NUP58: variants seen among roughly 807,000 people sequenced by gnomAD.
NUP58 encodes the protein nucleoporin 58.
A neutral mutation model predicts 70.1 loss-of-function variants in NUP58; 17 were observed. The observed-to-expected ratio is 0.24, with a 90% CI of 0.17 to 0.36. NUP58 has a LOEUF of 0.36. NUP58 is among the 10% of genes least tolerant of loss of function. NUP58 has a pLI of 1.00. For missense variants in NUP58, 644 were observed against 701.5 expected, an observed-to-expected ratio of 0.92 and a Z score of 0.93; for synonymous variants, 275 against 257.6, an observed-to-expected ratio of 1.07 and a Z score of -0.65.
rs1479403945 is a variant in NUP58, at chr13:25,321,054, C to T, written c.912C>T (p.Asn304=). 1 of 1,591,950 alleles carries T rather than the reference C, an allele frequency of 6.3e-7. No homozygotes were observed. Among genetic ancestry groups the T allele is most frequent in the Non-Finnish European group, 8.5e-7 (1 of 1,172,922 alleles). The part of the protein sequence containing the change: ...LSLAANGIQR[N]TLNIDKLKIE... ...TGGCTGCCAATGGAATACAGAGAAA[C>T]ACTCTCAACATTGACAAATTGAAAA... The change falls in exon 9 of 16, where the codon AAC becomes AAT. Residue 304 remains asparagine (N), a synonymous_variant. Transcript: ENST00000381736.
At chr13:25,333,213 G>T in intron 13 of NUP58, 1 of 985,222 alleles carries the variant, frequency 1.0e-6, no homozygotes, top group Non-Finnish European at 1.2e-6. Flanking sequence ...TGAGCTTGTG[G>T]ACATATGGAG....
Position 25,336,923 on chromosome 13 carries a change from T to C in NUP58, c.1436-13T>C. The C allele has an allele frequency of 6.5e-7, 1 of 1,538,850 alleles. No homozygotes were observed. Among genetic ancestry groups the C allele is most frequent in the Non-Finnish European group, 8.7e-7 (1 of 1,147,838 alleles). Reference sequence around the variant, plus strand: ...TTTTTTTCCCCCCCATTTTTTTTTTTTTTTTATACCAGGGCCACAGCCATC... The same window carrying C: ...TTTTTTTCCCCCCCATTTTTTTTTTCTTTTTATACCAGGGCCACAGCCATC... On this transcript the variant is annotated splice_polypyrimidine_tract_variant and intron_variant, in intron 13 of 15. Transcript: ENST00000381736.
rs112496539 is a variant in NUP58, at chr13:25,310,009, A to G, written c.286+727A>G. 2,569 of 408,722 alleles carry G rather than the reference A, an allele frequency of 6.3e-3. 52 individuals carry two copies. The highest frequency in any genetic ancestry group is 0.049 in the African/African-American group (2,310 of 47,142). The allele number at this position is 408,722 out of a possible 1,614,324, so 25.3% of individuals were successfully genotyped here. A position where few individuals can be genotyped will look rare whatever the true frequency, so the allele number is the denominator to read the frequency against. On this transcript the variant is annotated intron_variant, in intron 3 of 15. Transcript: ENST00000381736. The stretch of plus-strand genomic sequence containing the variant: ...AAAGTTTTGGACTGGATCAGCTGCA[A>G]ACACAAGCAAGTGAATCTTCTTGTT...
intron 6 of NUP58, among the ~76,000 whole-genome samples, chr13:25,317,465 C>A (rs1337146024): frequency 6.6e-6 from 1 of 152,058 alleles, no homozygotes; most frequent in Non-Finnish European, 1.5e-5. Context: ...ATTACTGAGG[C>A]AAAGCTAGGT....
intron 1 of NUP58, 111 bp from the exon 2 acceptor site, chr13:25,307,695 A>C (rs1458841116): frequency 1.6e-5 from 16 of 1,021,190 alleles, no homozygotes; most frequent in Non-Finnish European, 2.3e-5. Context: ...ATGTTATGTG[A>C]ATGAAATTAT....
At chr13:25,318,063 CT>C (rs1162725636) in intron 6 of NUP58, among the ~76,000 whole-genome samples, 1 of 151,958 alleles carries the variant, frequency 6.6e-6, no homozygotes, top group Non-Finnish European at 1.5e-5. Flanking sequence ...GGCGCAGTGG[CT>C]CACGCCTGTA....
In NUP58 at chr13:25,313,598, A is replaced by G. The variant is rs367710870; in HGVS notation, c.437-16A>G. 24 of 1,474,878 alleles carry G rather than the reference A, an allele frequency of 1.6e-5. No individual in the cohort carries two copies. In the East Asian group the frequency reaches 4.1e-4, roughly 25 times the overall value. The allele number at this position is 1,474,878 out of a possible 1,614,324, so 91.4% of individuals were successfully genotyped here. ...ATAAGTTGCCTTTTGAAAGCTTACTATCTCTCTTTTTATAGCATCCACAGG... is the reference window on the plus strand; with the variant it reads ...ATAAGTTGCCTTTTGAAAGCTTACTGTCTCTCTTTTTATAGCATCCACAGG... On this transcript the variant is annotated splice_polypyrimidine_tract_variant and intron_variant, in intron 4 of 15. Coordinates refer to ENST00000381736, the MANE Select transcript of NUP58 (RefSeq NM_014089.4).
rs576510234 is a variant in NUP58 at position 25,301,822 on chromosome 13, G to A, written c.49G>A (p.Val17Met). 24 of 1,613,534 alleles carry A rather than the reference G, an allele frequency of 1.5e-5. No homozygotes were observed. The East Asian group carries it at 5.1e-4, about 34-fold the overall frequency. Residue 17 changes from valine to methionine, a missense_variant, in exon 1 of 16, where the codon GTG becomes ATG. Coordinates refer to ENST00000381736, the MANE Select transcript of NUP58 (RefSeq NM_014089.4). ...GTCCGGGACTCTGGGCTCCACCACCGTGGCCGCCGGCGGGACCAGCACAGG... is the reference window on the plus strand; with the variant it reads ...GTCCGGGACTCTGGGCTCCACCACCATGGCCGCCGGCGGGACCAGCACAGG... ...FGSGTLGSTT[V>M]AAGGTSTGGV...
Position 25,340,180 on chromosome 13 carries a change from C to A in NUP58, c.*46C>A. The A allele has an allele frequency of 6.9e-7, 1 of 1,439,420 alleles. No homozygotes were observed. The highest frequency in any genetic ancestry group is 1.5e-5 in the South Asian group (1 of 65,172). 89.2% of individuals were successfully genotyped at this position (1,439,420 alleles called of 1,614,324 possible). A position where few individuals can be genotyped will look rare whatever the true frequency, so the allele number is the denominator to read the frequency against. ...AGAATCCATAGCAGCACCGTTCATTCTATGAGTCTATTTTTCTAATGATGC... is the reference window on the plus strand; with the variant it reads ...AGAATCCATAGCAGCACCGTTCATTATATGAGTCTATTTTTCTAATGATGC... On this transcript the variant is annotated 3_prime_UTR_variant, in exon 16 of 16. Transcript: ENST00000381736.
intron 10 of NUP58, 87 bp downstream of exon 10, chr13:25,325,155 TA>T: frequency 1.1e-6 from 1 of 943,272 alleles, no homozygotes; most frequent in Non-Finnish European, 1.6e-6. Flanking sequence ...ATATTTTTAG[TA>T]TACTATGTGG....
At chr13:25,313,488 C>G (rs982064065) in intron 4 of NUP58, 126 bp from the exon 5 acceptor site, 1 of 821,346 alleles carries the variant, frequency 1.2e-6, no homozygotes, top group Non-Finnish European at 1.8e-6. Context: ...TAATTTTTAG[C>G]AAGTAGTTCT....
intron 6 of NUP58, among the ~76,000 whole-genome samples, chr13:25,316,512 A>G (rs930458512): frequency 5.3e-5 from 8 of 152,142 alleles, no homozygotes; most frequent in Non-Finnish European, 7.4e-5. Context: ...GTGAATTACT[A>G]TTTTAAAGTT....
downstream of NUP58, among the ~76,000 whole-genome samples, chr13:25,346,383 CT>C (rs2032050854): frequency 6.6e-6 from 1 of 152,094 alleles, no homozygotes; most frequent in South Asian, 2.1e-4. Context: ...AGGCTTTTAA[CT>C]TTACATAAAT....
chr13:25,325,957 A>G (rs1339041328), intron 10 of NUP58, among the ~76,000 whole-genome samples: 2 of 152,150 alleles, frequency 1.3e-5, no homozygotes, highest in Non-Finnish European at 2.9e-5. Context: ...TTTCATTCCA[A>G]TTTCCTACAT....
chr13:25,310,826 T>TAATATTGTTTGAGCAGTTACTA (rs2030629194), intron 3 of NUP58, among the ~76,000 whole-genome samples: 1 of 152,172 alleles, frequency 6.6e-6, no homozygotes, highest in African/African-American at 2.4e-5. Context: ...TTTCTTTATT[T>TAATATTGTTTGAGCAGTTACTA]AATATTGTTT....
At chr13:25,310,686 C>G (rs960841812) in intron 3 of NUP58, among the ~76,000 whole-genome samples, 6 of 152,110 alleles carry the variant, frequency 3.9e-5, no homozygotes, top group African/African-American at 1.4e-4. Flanking sequence ...AGGTTGTAAC[C>G]CCATACGTGA....
At chr13:25,345,970 A>C (rs1467761834), downstream of NUP58, among the ~76,000 whole-genome samples, 1 of 150,716 alleles carries the variant, frequency 6.6e-6, no homozygotes, top group Non-Finnish European at 1.5e-5. Flanking sequence ...CCAGGCTTAC[A>C]AAGGTTTCAT....
At chr13:25,304,956 C>G (rs2030246741) in intron 1 of NUP58, among the ~76,000 whole-genome samples, 1 of 152,064 alleles carries the variant, frequency 6.6e-6, no homozygotes, top group Admixed American at 6.6e-5. Flanking sequence ...CATATATGCC[C>G]CTTTTATGGT....
chr13:25,331,209 A>G (rs1162286067), intron 12 of NUP58, 148 bp from the exon 13 acceptor site: 3 of 700,076 alleles, frequency 4.3e-6, no homozygotes, highest in Non-Finnish European at 2.4e-6. Flanking sequence ...TTCCTACACC[A>G]AAGTGCATTA....
Sources: allele counts gnomAD v4.1 joint callset (sites outside exome capture counted in the v4.1 genomes callset), GRCh38; gene constraint gnomAD v4.1.1; transcripts MANE v1.5; gene names NCBI Gene and HGNC (gene_info 2026-07-23, HGNC 2026-07-21).